PDE3B: variants seen among roughly 807,000 people sequenced by gnomAD.
PDE3B encodes cGMP-inhibited 3',5'-cyclic phosphodiesterase 3B.
PDE3B carries 66 observed loss-of-function variants against 116.8 expected under a neutral mutation model. The ratio of observed to expected loss-of-function variants is 0.56; its 90% CI spans 0.46 to 0.69. The LOEUF is 0.69. PDE3B is among the 30% of genes least tolerant of loss of function. The pLI, the probability that PDE3B is intolerant of heterozygous loss-of-function variation, is 0.00. For synonymous variants in PDE3B, 595 were observed against 533.6 expected (o/e 1.12, Z -1.59); for missense variants, 1,384 against 1,368.1 (o/e 1.01, Z -0.18).
At chr11:14,804,082 G>C in intron 5 of PDE3B, 32 bp downstream of exon 5, 1 of 1,185,262 alleles carries the variant, frequency 8.4e-7, no homozygotes, top group South Asian at 1.2e-5. Context: ...CTCAAATATG[G>C]GGGTTCTCAA....
chr11:14,845,020 G>A (rs1285298234), intron 12 of PDE3B, among the ~76,000 whole-genome samples: 9 of 152,130 alleles, frequency 5.9e-5, no homozygotes, highest in Admixed American at 2.6e-4. Flanking sequence ...ATCTGAGAAC[G>A]GGCAGACTGC....
the PDE3B span, chr11:14,880,314 C>T: frequency 1.2e-6 from 2 of 1,613,178 alleles, no homozygotes; most frequent in Non-Finnish European, 1.7e-6. Context: ...CAACAAAATG[C>T]TGAGGTAGCT....
intron 1 of PDE3B, among the ~76,000 whole-genome samples, chr11:14,703,145 T>G (rs565361713): frequency 4.8e-4 from 73 of 151,934 alleles, no homozygotes; most frequent in Admixed American, 1.2e-3. Context: ...CATATTTTTT[T>G]GGGGAAATCT....
chr11:14,855,473 T>C (rs782057816), intron 12 of PDE3B, among the ~76,000 whole-genome samples: 2 of 152,208 alleles, frequency 1.3e-5, no homozygotes, highest in Non-Finnish European at 2.9e-5. Flanking sequence ...TCTAAAATTC[T>C]AGGGGAATTT....
At chr11:14,860,341 T>A (rs1186132439) in intron 13 of PDE3B, among the ~76,000 whole-genome samples, 2 of 144,874 alleles carry the variant, frequency 1.4e-5, no homozygotes, top group South Asian at 2.1e-4. Context: ...AGCTCTTCTC[T>A]CAAGTGTTTT....
rs114057566 is a variant in PDE3B at position 14,678,973 on chromosome 11, C to T, written c.978+33920C>T. ...GTTTAGGTTTATTTTCTCCTACATA[C>T]AGAATTTCCAATTCTAACATCATTT... On this transcript the variant is annotated intron_variant, in intron 1 of 15. Coordinates refer to ENST00000282096, the MANE Select transcript of PDE3B (RefSeq NM_000922.4). 2.4e-3 allele frequency among the ~76,000 whole-genome samples: 359 copies of T among 152,260 alleles called. 1 individual carries two copies. The highest frequency in any genetic ancestry group is 8.1e-3 in the African/African-American group (338 of 41,548).
chr11:14,899,302 A>AT, the PDE3B span, among the ~76,000 whole-genome samples: 2 of 152,056 alleles, frequency 1.3e-5, no homozygotes, highest in Admixed American at 1.3e-4. Flanking sequence ...CTGTGAATAA[A>AT]TTTTTTCTCT....
At position 14,703,508 on chromosome 11, in the gene PDE3B, C is replaced by T. The variant is rs143520992; in HGVS notation, c.978+58455C>T. Among the ~76,000 whole-genome samples the T allele has an allele frequency of 4.5e-3, 683 of 150,996 alleles. 3 individuals carry two copies. Among genetic ancestry groups the T allele is most frequent in the African/African-American group, 0.015 (608 of 41,226 alleles). ...TCAAGGCTGCTGGGGTTATTATGTC[C>T]TTTTTCTTCTCCTTTGCTGTGTTTA... On this transcript the variant is annotated intron_variant, in intron 1 of 15. Transcript: ENST00000282096.
At chr11:14,646,589 A>AT (rs1176904805) in intron 1 of PDE3B, among the ~76,000 whole-genome samples, 1 of 152,184 alleles carries the variant, frequency 6.6e-6, no homozygotes, top group African/African-American at 2.4e-5. Context: ...AACAAATTGC[A>AT]TTTTTTAACA....
At chr11:14,804,792 C>T (rs1440524999) in intron 5 of PDE3B, among the ~76,000 whole-genome samples, 1 of 151,644 alleles carries the variant, frequency 6.6e-6, no homozygotes, top group Non-Finnish European at 1.5e-5. Context: ...GGAATAATGG[C>T]CAAAATGAAT....
chr11:14,782,097 G>C (rs371938046), intron 2 of PDE3B, among the ~76,000 whole-genome samples: 4 of 152,146 alleles, frequency 2.6e-5, no homozygotes, highest in Non-Finnish European at 5.9e-5. Flanking sequence ...AATCCAACTT[G>C]TGAGGGATGT....
chr11:14,759,636 C>T (rs1013527376), intron 1 of PDE3B, among the ~76,000 whole-genome samples: 2 of 151,304 alleles, frequency 1.3e-5, no homozygotes, highest in African/African-American at 4.9e-5. Flanking sequence ...GAAACCTCCG[C>T]CTCCTGGGTT....
chr11:14,715,470 C>T (rs1017898993), intron 1 of PDE3B, among the ~76,000 whole-genome samples: 4 of 152,044 alleles, frequency 2.6e-5, no homozygotes, highest in African/African-American at 9.7e-5. Flanking sequence ...TGAAGAGGTC[C>T]TTCACGTCCC....
Position 14,835,050 on chromosome 11 carries a change from G to A in PDE3B, c.2275G>A (p.Gly759Ser). 1 of 1,612,974 alleles carries A rather than the reference G, an allele frequency of 6.2e-7. No individual in the cohort carries two copies. Among genetic ancestry groups the A allele is most frequent in the Non-Finnish European group, 8.5e-7 (1 of 1,179,270 alleles). ...VWYLTTRPVP[G>S]LQQIHNGCGT... is the part of the protein sequence containing the mutation. ...GTATCTGACAACACGGCCAGTTCCT[G>A]GCTTACAGCAGATCCACAATGGTTG... Residue 759 changes from glycine (G) to serine (S), a missense_variant, in exon 11 of 16, where the codon GGC becomes AGC. Transcript: ENST00000282096.
intron 1 of PDE3B, among the ~76,000 whole-genome samples, chr11:14,715,458 C>A (rs549327560): frequency 6.6e-6 from 1 of 152,196 alleles, no homozygotes; most frequent in African/African-American, 2.4e-5. Flanking sequence ...TGTAGTTCTC[C>A]TTGAAGAGGT....
intron 5 of PDE3B, among the ~76,000 whole-genome samples, chr11:14,812,417 A>G (rs1426470620): frequency 6.6e-6 from 1 of 152,212 alleles, no homozygotes; most frequent in Non-Finnish European, 1.5e-5. Flanking sequence ...ATCAGAAAAT[A>G]TTTTGAGCTG....
chr11:14,693,977 A>T (rs1855126735), intron 1 of PDE3B, among the ~76,000 whole-genome samples: 1 of 152,186 alleles, frequency 6.6e-6, no homozygotes. Flanking sequence ...TGACATTAAC[A>T]GGAATTTGGA....
At chr11:14,877,053 G>C in the PDE3B span, among the ~76,000 whole-genome samples, 14 of 152,200 alleles carry the variant, frequency 9.2e-5, no homozygotes, top group Admixed American at 8.5e-4. Flanking sequence ...CTGACTCTGA[G>C]GCTGCAACTA....
chr11:14,857,111 A>C (rs1054059556), intron 12 of PDE3B, among the ~76,000 whole-genome samples: 7 of 152,322 alleles, frequency 4.6e-5, no homozygotes, highest in South Asian at 2.1e-4. Context: ...CAGAGGGTGA[A>C]AAGTAAGATT....
Sources: allele counts gnomAD v4.1 joint callset (sites outside exome capture counted in the v4.1 genomes callset), GRCh38; gene constraint gnomAD v4.1.1; transcripts MANE v1.5; gene names NCBI Gene and HGNC (gene_info 2026-07-23, HGNC 2026-07-21).